PHF2: variants seen among roughly 807,000 people sequenced by gnomAD.
The protein encoded by PHF2 is lysine-specific demethylase PHF2.
PHF2 carries 27 observed loss-of-function variants against 120.5 expected under a neutral mutation model. That is an observed-to-expected ratio of 0.22 (90% CI 0.17 to 0.31). PHF2 has a LOEUF of 0.31. PHF2 is among the 10% of genes least tolerant of loss of function. The probability of loss-of-function intolerance (pLI) is 1.00; values close to 1 mark genes in which losing one functional copy is unlikely to be tolerated. For missense variants in PHF2, 1,024 were observed against 1,434.8 expected (o/e 0.71, Z 4.63); for synonymous variants, 568 against 592.5 (o/e 0.96, Z 0.60).
intron 1 of PHF2, among the ~76,000 whole-genome samples, chr9:93,620,484 G>A (rs116760464): frequency 0.018 from 2,674 of 152,356 alleles, 70 homozygotes; most frequent in African/African-American, 0.061. Context: ...TTTGAAGTCA[G>A]CAAGATGTGG....
chr9:93,630,302 A>G (rs925392029), intron 2 of PHF2, among the ~76,000 whole-genome samples: 5 of 152,244 alleles, frequency 3.3e-5, no homozygotes, highest in Non-Finnish European at 5.9e-5. Flanking sequence ...AAAGACTCAA[A>G]GGGCCTTCTG....
chr9:93,636,384 C>T lies in PHF2; in HGVS notation c.185-27C>T, dbSNP rs565879151. 4.1e-5 allele frequency: 64 copies of T among 1,562,568 alleles called. No individual in the cohort carries two copies. In the East Asian group the frequency reaches 6.3e-4, roughly 15 times the overall value. On this transcript the variant is annotated intron_variant, in intron 2 of 21. Coordinates refer to ENST00000359246, the MANE Select transcript of PHF2 (RefSeq NM_005392.4). The stretch of plus-strand genomic sequence containing the variant: ...CCCTGCTGGGGCTGCGCTGTGTGAC[C>T]GACCTTGCTTCCGGTCTCCTCCACA...
chr9:93,657,814 G>T (rs1335957616), intron 9 of PHF2, among the ~76,000 whole-genome samples: 1 of 152,198 alleles, frequency 6.6e-6, no homozygotes, highest in Non-Finnish European at 1.5e-5. Flanking sequence ...CTGTGGCCTG[G>T]GTCCTGGCAT....
In PHF2 at chr9:93,615,056, T is replaced by G. The variant is rs549960856; in HGVS notation, c.99-14914T>G. ...ATGGTGATAGTGATGATGATGGCGA[T>G]GATGGTGACAGTGATGGTGGTGATG... On this transcript the variant is annotated intron_variant, in intron 1 of 21. Coordinates refer to ENST00000359246, the MANE Select transcript of PHF2 (RefSeq NM_005392.4). Among the ~76,000 whole-genome samples, 4 of 151,588 alleles carry G rather than the reference T, an allele frequency of 2.6e-5. No individual in the cohort carries two copies. In the East Asian group the frequency reaches 7.8e-4, roughly 30 times the overall value.
intron 3 of PHF2, among the ~76,000 whole-genome samples, chr9:93,640,041 TTAAA>T (rs1235989352): frequency 4.6e-5 from 7 of 152,350 alleles, no homozygotes; most frequent in African/African-American, 1.7e-4. Context: ...TAATTGTTTT[TTAAA>T]TAATTTTCAG....
At chr9:93,644,245 G>T (rs1826216015) in intron 3 of PHF2, among the ~76,000 whole-genome samples, 1 of 152,114 alleles carries the variant, frequency 6.6e-6, no homozygotes, top group South Asian at 2.1e-4. Context: ...AATTAGCCAG[G>T]CATGGTGGCA....
chr9:93,588,198 G>A (rs1480525642), intron 1 of PHF2, among the ~76,000 whole-genome samples: 1 of 152,194 alleles, frequency 6.6e-6, no homozygotes, highest in Non-Finnish European at 1.5e-5. Flanking sequence ...CTGGGGGCAG[G>A]GCCTGTGTCC....
chr9:93,630,028 T>C lies in PHF2; in HGVS notation c.157T>C (p.Cys53Arg). The C allele has an allele frequency of 6.2e-7, 1 of 1,613,648 alleles. No homozygotes were observed. The highest frequency in any genetic ancestry group is 8.5e-7 in the Non-Finnish European group (1 of 1,180,030). ...CATCGACATATACCACTGCCCAAAC[T>C]GTGAGAAAACCCATGGGAAGTCCAC... ...PDIDIYHCPNCEKTHGKSTLK... is the reference protein window; with the variant it reads ...PDIDIYHCPNREKTHGKSTLK... Residue 53 changes from cysteine (C) to arginine (R), a missense_variant, in exon 2 of 22, where the codon TGT becomes CGT. Transcript: ENST00000359246.
intron 1 of PHF2, among the ~76,000 whole-genome samples, chr9:93,622,781 G>A (rs796276114): frequency 1.3e-5 from 2 of 152,126 alleles, no homozygotes. Context: ...AGCCCCTCAC[G>A]CCAAGTCTTG....
chr9:93,671,385 T>TACAGGTGTA (rs1424918088), intron 17 of PHF2, among the ~76,000 whole-genome samples: 1 of 122,290 alleles, frequency 8.2e-6, no homozygotes, highest in African/African-American at 3.2e-5. Context: ...TGGATGTAGG[T>TACAGGTGTA]ACAGGTGTAG....
At chr9:93,625,964 C>T (rs911669700) in intron 1 of PHF2, among the ~76,000 whole-genome samples, 9 of 151,810 alleles carry the variant, frequency 5.9e-5, no homozygotes, top group Non-Finnish European at 1.2e-4. Context: ...AAAAATTGGC[C>T]GGGCGCGGTG....
intron 1 of PHF2, among the ~76,000 whole-genome samples, chr9:93,577,538 C>A (rs1417953624): frequency 6.6e-6 from 1 of 152,154 alleles, no homozygotes; most frequent in Non-Finnish European, 1.5e-5. Flanking sequence ...GCCTGCAGGT[C>A]CGCGGGCAGG....
At chr9:93,579,793 G>A (rs1387744645) in intron 1 of PHF2, among the ~76,000 whole-genome samples, 4 of 152,228 alleles carry the variant, frequency 2.6e-5, no homozygotes, top group African/African-American at 4.8e-5. Flanking sequence ...CTACAGTCGC[G>A]GTGGCTGCGT....
At chr9:93,606,842 G>A (rs895650419) in intron 1 of PHF2, among the ~76,000 whole-genome samples, 2 of 152,000 alleles carry the variant, frequency 1.3e-5, no homozygotes, top group African/African-American at 4.8e-5. Context: ...TTTACATTTA[G>A]GTCTATGATT....
chr9:93,671,088 G>T, intron 17 of PHF2: 1 of 973,820 alleles, frequency 1.0e-6, no homozygotes, highest in Non-Finnish European at 1.2e-6. Context: ...GTGGGGGTAG[G>T]TGCAGGTGTA....
intron 1 of PHF2, among the ~76,000 whole-genome samples, chr9:93,606,094 C>T (rs1825538358): frequency 6.6e-6 from 1 of 152,122 alleles, no homozygotes; most frequent in Non-Finnish European, 1.5e-5. Context: ...CCACCCCAGC[C>T]TCCTAAGTAA....
chr9:93,598,946 T>A (rs17533702), intron 1 of PHF2, among the ~76,000 whole-genome samples: 47,660 of 152,034 alleles, frequency 0.31, 8,250 homozygotes, highest in South Asian at 0.6. Context: ...CCTTTTGACG[T>A]GGCTGGTATG....
At chr9:93,578,270 G>T (rs1167323554) in intron 1 of PHF2, among the ~76,000 whole-genome samples, 2 of 152,144 alleles carry the variant, frequency 1.3e-5, no homozygotes, top group Non-Finnish European at 2.9e-5. Flanking sequence ...CTGCCTTCCT[G>T]GGTATGCCCA....
At chr9:93,583,285 G>A (rs943422241) in intron 1 of PHF2, among the ~76,000 whole-genome samples, 2 of 152,202 alleles carry the variant, frequency 1.3e-5, no homozygotes, top group East Asian at 3.8e-4. Flanking sequence ...TCATTGTGTG[G>A]ATAGACCACA....
Sources: allele counts gnomAD v4.1 joint callset (sites outside exome capture counted in the v4.1 genomes callset), GRCh38; gene constraint gnomAD v4.1.1; transcripts MANE v1.5; gene names NCBI Gene and HGNC (gene_info 2026-07-23, HGNC 2026-07-21).